The following GSG1L variants were observed in gnomAD, a reference collection of about 807,000 sequenced individuals.
GSG1L encodes the protein germ cell-specific gene 1-like protein.
GSG1L carries 24 observed loss-of-function variants against 42.1 expected under a neutral mutation model. The ratio of observed to expected loss-of-function variants is 0.57; its 90% CI spans 0.41 to 0.80. The LOEUF (loss-of-function observed/expected upper bound fraction) is 0.80, where lower values mean the gene tolerates loss of function less well. Among genes scored for constraint, GSG1L ranks in the 30% least tolerant of loss-of-function variants. The probability of loss-of-function intolerance (pLI) is 0.00; values close to 1 mark genes in which losing one functional copy is unlikely to be tolerated. For synonymous variants in GSG1L, 215 were observed against 203.5 expected, an observed-to-expected ratio of 1.06 and a Z score of -0.48; for missense variants, 445 against 472.2, an observed-to-expected ratio of 0.94 and a Z score of 0.53.
chr16:27,932,904 A>G (rs1244791877), intron 2 of GSG1L, among the ~76,000 whole-genome samples: 3 of 152,040 alleles, frequency 2.0e-5, no homozygotes, highest in Non-Finnish European at 4.4e-5. Context: ...GAAGACCTGA[A>G]CACAACCCTC....
chr16:28,052,544 A>G (rs903982114), intron 1 of GSG1L, among the ~76,000 whole-genome samples: 2 of 152,152 alleles, frequency 1.3e-5, no homozygotes, highest in African/African-American at 4.8e-5. Flanking sequence ...GGTCCGTGCC[A>G]CTTCTAGGCA....
At chr16:28,032,792 T>C (rs951726110) in intron 1 of GSG1L, among the ~76,000 whole-genome samples, 4 of 152,156 alleles carry the variant, frequency 2.6e-5, no homozygotes, top group African/African-American at 9.7e-5. Flanking sequence ...GCAGATCCTA[T>C]TGGCTCTTCC....
At chr16:27,981,994 C>T (rs1047244802) in intron 1 of GSG1L, among the ~76,000 whole-genome samples, 1 of 152,174 alleles carries the variant, frequency 6.6e-6, no homozygotes, top group African/African-American at 2.4e-5. Flanking sequence ...ATTGTCACCT[C>T]TACCACATCA....
chr16:27,809,117 G>C (rs560762638), intron 5 of GSG1L, among the ~76,000 whole-genome samples: 39 of 152,280 alleles, frequency 2.6e-4, no homozygotes, highest in African/African-American at 7.2e-4. Context: ...TCCAGGCTAG[G>C]CATGGTGGCT....
intron 3 of GSG1L, among the ~76,000 whole-genome samples, chr16:27,882,844 G>A (rs1173278623): frequency 3.3e-5 from 5 of 152,146 alleles, no homozygotes; most frequent in East Asian, 3.8e-4. Context: ...GGTGGCTCAC[G>A]CCTGTAATCC....
chr16:27,963,112 CAGAGAG>C, intron 2 of GSG1L, 38 bp downstream of exon 2: 1 of 1,556,202 alleles, frequency 6.4e-7, no homozygotes, highest in Non-Finnish European at 8.9e-7. Flanking sequence ...AAGATGTCCC[CAGAGAG>C]AGCAGAGCTG....
chr16:27,890,544 C>G (rs1332443121), intron 2 of GSG1L, among the ~76,000 whole-genome samples: 1 of 152,188 alleles, frequency 6.6e-6, no homozygotes, highest in East Asian at 1.9e-4. Context: ...AAACTGATAA[C>G]CCCTGAGGGG....
intron 1 of GSG1L, among the ~76,000 whole-genome samples, chr16:27,982,826 T>C (rs1272680862): frequency 6.6e-5 from 10 of 152,128 alleles, no homozygotes; most frequent in Non-Finnish European, 1.5e-4. Context: ...ATGAACTCAT[T>C]GTCGTGGGCA....
chr16:27,873,783 G>A (rs2083852428), intron 3 of GSG1L, among the ~76,000 whole-genome samples: 1 of 152,210 alleles, frequency 6.6e-6, no homozygotes, highest in Non-Finnish European at 1.5e-5. Flanking sequence ...AGCTTTAGAA[G>A]ACTGAGTTTG....
chr16:27,945,267 T>C (rs1280038111), intron 2 of GSG1L, among the ~76,000 whole-genome samples: 3 of 151,970 alleles, frequency 2.0e-5, no homozygotes, highest in Admixed American at 6.6e-5. Context: ...ACAGGCAAAT[T>C]GAATGGAAGT....
At chr16:28,007,166 T>G (rs1024523766) in intron 1 of GSG1L, among the ~76,000 whole-genome samples, 4 of 152,054 alleles carry the variant, frequency 2.6e-5, no homozygotes. Flanking sequence ...TGCTGGGTGA[T>G]GAAGATAAGG....
intron 4 of GSG1L, among the ~76,000 whole-genome samples, chr16:27,831,968 C>T (rs1298485904): frequency 6.6e-6 from 1 of 152,090 alleles, no homozygotes; most frequent in African/African-American, 2.4e-5. Flanking sequence ...AGGCTTTTTG[C>T]CCAGCTGGTC....
chr16:27,990,615 G>T (rs1357201278), intron 1 of GSG1L, among the ~76,000 whole-genome samples: 1 of 152,132 alleles, frequency 6.6e-6, no homozygotes, highest in East Asian at 1.9e-4. Context: ...TTTCTAGCAG[G>T]TCCAGGAACC....
chr16:27,830,345 A>G (rs1414931096), intron 4 of GSG1L, among the ~76,000 whole-genome samples: 4 of 151,826 alleles, frequency 2.6e-5, no homozygotes, highest in African/African-American at 9.7e-5. Context: ...CTGGTTTCTA[A>G]ACATCATCAC....
intron 3 of GSG1L, among the ~76,000 whole-genome samples, chr16:27,857,856 C>T (rs2083599478): frequency 6.6e-6 from 1 of 151,452 alleles, no homozygotes; most frequent in Non-Finnish European, 1.5e-5. Flanking sequence ...ATTCATGTCT[C>T]CATGGTGGGC....
intron 3 of GSG1L, among the ~76,000 whole-genome samples, chr16:27,874,441 CT>C (rs71140916): frequency 2.8e-3 from 265 of 94,256 alleles, no homozygotes; most frequent in African/African-American, 6.9e-3. Context: ...ACAGGAGAGC[CT>C]TTTTTTTTTT....
At chr16:27,997,437 A>G (rs1396985731) in intron 1 of GSG1L, among the ~76,000 whole-genome samples, 1 of 144,490 alleles carries the variant, frequency 6.9e-6, no homozygotes, top group East Asian at 2.1e-4. Flanking sequence ...CTCCTGCCTC[A>G]GCCTCCCAAG....
Position 27,949,691 on chromosome 16 carries a change from C to T in GSG1L, c.397+13465G>A, listed in dbSNP as rs576370117. The stretch of plus-strand genomic sequence containing the variant: ...CTGTAATCCCAGCAATTTGGGAGGC[C>T]GAGGCGGGCGGATCACGAGGTCAGG... On this transcript the variant is annotated intron_variant, in intron 2 of 6. Coordinates refer to ENST00000447459, the MANE Select transcript of GSG1L (RefSeq NM_001109763.2). 5.4e-3 allele frequency among the ~76,000 whole-genome samples: 829 copies of T among 152,136 alleles called. 6 individuals are homozygous for T. The highest frequency in any genetic ancestry group is 9.3e-3 in the Non-Finnish European group (634 of 67,980).
intron 5 of GSG1L, among the ~76,000 whole-genome samples, chr16:27,819,692 C>T (rs188413206): frequency 1.2e-4 from 18 of 152,228 alleles, no homozygotes; most frequent in East Asian, 1.2e-3. Flanking sequence ...GCAAGGGGCC[C>T]GGAGTACACG....
Sources: gnomAD v4.1 joint callset for allele counts (sites outside exome capture counted in the v4.1 genomes callset) on GRCh38, gnomAD v4.1.1 for gene constraint, MANE v1.5 for transcripts, NCBI Gene and HGNC (gene_info 2026-07-23, HGNC 2026-07-21) for gene names.